Variants in ADAMTSL3 observed in about 807,000 individuals in gnomAD.
ADAMTSL3 encodes ADAMTS-like protein 3.
ADAMTSL3 carries 128 observed loss-of-function variants against 201.7 expected under a neutral mutation model. That is an observed-to-expected ratio of 0.63 (90% CI 0.55 to 0.73). ADAMTSL3 has a LOEUF of 0.73. ADAMTSL3 is among the 30% of genes least tolerant of loss of function. The pLI, the probability that ADAMTSL3 is intolerant of heterozygous loss-of-function variation, is 0.00. For synonymous variants in ADAMTSL3, 738 were observed against 748.4 expected (o/e 0.99, Z 0.23); for missense variants, 1,990 against 2,119.6 (o/e 0.94, Z 1.20).
At chr15:83,733,174 T>C (rs2062310162) in intron 3 of ADAMTSL3, among the ~76,000 whole-genome samples, 1 of 152,142 alleles carries the variant, frequency 6.6e-6, no homozygotes, top group Non-Finnish European at 1.5e-5. Context: ...AAAAATGAAC[T>C]GAATCATCCA....
At chr15:83,904,837 A>G (rs1019321084) in intron 15 of ADAMTSL3, among the ~76,000 whole-genome samples, 2 of 152,218 alleles carry the variant, frequency 1.3e-5, no homozygotes, top group South Asian at 2.1e-4. Context: ...CACACCTTGT[A>G]TGTTTCCTTC....
intron 15 of ADAMTSL3, among the ~76,000 whole-genome samples, chr15:83,911,994 T>G (rs2065943280): frequency 6.6e-6 from 1 of 152,240 alleles, no homozygotes. Flanking sequence ...GGAAAAGTTT[T>G]GCAGTGAATA....
At chr15:83,953,030 G>A (rs1448098078) in intron 19 of ADAMTSL3, among the ~76,000 whole-genome samples, 1 of 152,148 alleles carries the variant, frequency 6.6e-6, no homozygotes, top group Non-Finnish European at 1.5e-5. Context: ...CAGGTGAAAT[G>A]TGCTTCTTGT....
chr15:83,874,646 G>T (rs1247941754), intron 9 of ADAMTSL3, among the ~76,000 whole-genome samples: 1 of 143,562 alleles, frequency 7.0e-6, no homozygotes, highest in Admixed American at 6.8e-5. Flanking sequence ...AAAGCCGATG[G>T]TCTCCCTAGA....
intron 9 of ADAMTSL3, among the ~76,000 whole-genome samples, chr15:83,879,823 C>T (rs914062080): frequency 3.3e-5 from 5 of 152,130 alleles, no homozygotes; most frequent in African/African-American, 9.7e-5. Flanking sequence ...CTAAAACTAC[C>T]CCGTGACTGT....
chr15:83,799,087 A>G (rs992896792), intron 4 of ADAMTSL3, among the ~76,000 whole-genome samples: 23 of 152,180 alleles, frequency 1.5e-4, no homozygotes, highest in Admixed American at 1.4e-3. Context: ...TGGAATGCTT[A>G]TCAGGTCTCT....
chr15:83,761,631 G>A (rs1238317290), intron 3 of ADAMTSL3, among the ~76,000 whole-genome samples: 1 of 152,152 alleles, frequency 6.6e-6, no homozygotes, highest in African/African-American at 2.4e-5. Flanking sequence ...TTGGCAACCT[G>A]CAGTTCTCTC....
At chr15:83,707,587 A>G (rs2061870906) in intron 3 of ADAMTSL3, among the ~76,000 whole-genome samples, 1 of 152,160 alleles carries the variant, frequency 6.6e-6, no homozygotes, top group Non-Finnish European at 1.5e-5. Flanking sequence ...GGCTCCTTGA[A>G]CCTCTTTCCG....
chr15:84,009,389 A>G (rs1192726487), intron 23 of ADAMTSL3, among the ~76,000 whole-genome samples: 1 of 152,246 alleles, frequency 6.6e-6, no homozygotes, highest in Non-Finnish European at 1.5e-5. Context: ...AAGGTATAAA[A>G]TAAAATATAC....
At chr15:84,027,155 A>G (rs1203560532) in intron 27 of ADAMTSL3, among the ~76,000 whole-genome samples, 1 of 152,236 alleles carries the variant, frequency 6.6e-6, no homozygotes, top group East Asian at 1.9e-4. Context: ...GTCATTAAAA[A>G]ATGCAAGTCA....
chr15:84,006,595 A>G (rs1410640307), intron 23 of ADAMTSL3, among the ~76,000 whole-genome samples: 4 of 152,186 alleles, frequency 2.6e-5, no homozygotes, highest in African/African-American at 7.2e-5. Flanking sequence ...TTGTCTTCCA[A>G]AACAATTTCA....
At chr15:83,834,436 T>C (rs1048673640) in intron 6 of ADAMTSL3, among the ~76,000 whole-genome samples, 1 of 152,130 alleles carries the variant, frequency 6.6e-6, no homozygotes, top group East Asian at 1.9e-4. Context: ...GTCAGATTTT[T>C]CCCCCAAGTT....
chr15:83,821,341 A>G (rs1266075925), intron 6 of ADAMTSL3, among the ~76,000 whole-genome samples: 2 of 150,310 alleles, frequency 1.3e-5, no homozygotes, highest in Non-Finnish European at 3.0e-5. Context: ...GTCAGCAGAT[A>G]AACAAGTGAA....
rs964882838 is a variant in ADAMTSL3 at position 83,993,331 on chromosome 15, G to T, written c.3973+2117G>T. On this transcript the variant is annotated intron_variant, in intron 23 of 29. Coordinates refer to ENST00000286744, the MANE Select transcript of ADAMTSL3 (RefSeq NM_207517.3). The stretch of plus-strand genomic sequence containing the variant: ...TATTATATTAATAGAAGAAGAGACT[G>T]TGGTTATCATCCAATTCAGTTTTTC... Among the ~76,000 whole-genome samples the T allele has an allele frequency of 5.9e-5, 9 of 152,292 alleles. No individual in the cohort carries two copies. The South Asian group carries it at 1.9e-3, about 32-fold the overall frequency.
At chr15:83,990,937 A>T in intron 22 of ADAMTSL3, 149 bp from the exon 23 acceptor site, 1 of 1,099,072 alleles carries the variant, frequency 9.1e-7, no homozygotes, top group Non-Finnish European at 1.3e-6. Context: ...GTATGTGCAC[A>T]TCCCCACGGT....
chr15:83,857,291 T>C (rs1161206650), intron 7 of ADAMTSL3, among the ~76,000 whole-genome samples: 14 of 152,218 alleles, frequency 9.2e-5, no homozygotes, highest in Admixed American at 5.9e-4. Context: ...GTTCATAGTG[T>C]CCTTTTGTGC....
In ADAMTSL3 at chr15:84,025,625, C is replaced by T. The variant is rs560163189; in HGVS notation, c.4656+189C>T. The T allele has an allele frequency of 1.4e-4, 80 of 576,968 alleles. 1 individual carries two copies. The African/African-American group carries it at 1.4e-3, about 10-fold the overall frequency. The allele number at this position is 576,968 out of a possible 1,614,324, so 35.7% of individuals were successfully genotyped here. On this transcript the variant is annotated intron_variant, in intron 27 of 29. Transcript: ENST00000286744. ...ATCATAGTATCTCTGTCTTCCAGTA[C>T]AAAAGTGAACCAAGTTTGGGTTCTT... is the stretch of plus-strand genomic sequence containing the variant.
intron 3 of ADAMTSL3, among the ~76,000 whole-genome samples, chr15:83,736,368 C>T (rs1444179262): frequency 6.6e-6 from 1 of 152,192 alleles, no homozygotes; most frequent in Non-Finnish European, 1.5e-5. Context: ...AATTCTGCAT[C>T]TACTTCATCG....
intron 16 of ADAMTSL3, among the ~76,000 whole-genome samples, chr15:83,921,568 A>C (rs558692329): frequency 2.2e-4 from 33 of 152,380 alleles, no homozygotes; most frequent in African/African-American, 7.5e-4. Context: ...TTGTTTGCAA[A>C]TGGCAGAAAC....
Sources: allele counts gnomAD v4.1 joint callset (sites outside exome capture counted in the v4.1 genomes callset), GRCh38; gene constraint gnomAD v4.1.1; transcripts MANE v1.5; gene names NCBI Gene and HGNC (gene_info 2026-07-23, HGNC 2026-07-21).